Variants in ARID2 observed in about 807,000 individuals in gnomAD.
The protein encoded by ARID2 is AT-rich interaction domain 2.
A neutral mutation model predicts 184.6 loss-of-function variants in ARID2; 32 were observed. The ratio of observed to expected loss-of-function variants is 0.17; its 90% CI spans 0.13 to 0.23. The LOEUF (loss-of-function observed/expected upper bound fraction) is 0.23, where lower values mean the gene tolerates loss of function less well. ARID2 is among the 10% of genes least tolerant of loss of function. The probability of loss-of-function intolerance (pLI) is 1.00; values close to 1 mark genes in which losing one functional copy is unlikely to be tolerated. For missense variants in ARID2, 1,696 were observed against 2,197.6 expected (o/e 0.77, Z 4.56); for synonymous variants, 836 against 772.6 (o/e 1.08, Z -1.36).
intron 3 of ARID2, among the ~76,000 whole-genome samples, chr12:45,744,524 A>G (rs1592049834): frequency 6.6e-6 from 1 of 152,190 alleles, no homozygotes. Context: ...CAAAAATACA[A>G]GTCAGCTACA....
intron 6 of ARID2, among the ~76,000 whole-genome samples, chr12:45,828,683 C>A (rs1177381039): frequency 6.6e-6 from 1 of 151,974 alleles, no homozygotes; most frequent in Non-Finnish European, 1.5e-5. Context: ...GTTACTGTAG[C>A]TTGGTTTTAA....
intron 3 of ARID2, among the ~76,000 whole-genome samples, chr12:45,804,447 T>A (rs1301259942): frequency 6.6e-6 from 1 of 151,908 alleles, no homozygotes; most frequent in Non-Finnish European, 1.5e-5. Flanking sequence ...GGTGGTTGTG[T>A]TTAATGAGTA....
intron 15 of ARID2, among the ~76,000 whole-genome samples, chr12:45,853,979 A>G (rs1312254731): frequency 6.6e-6 from 1 of 152,152 alleles, no homozygotes; most frequent in Non-Finnish European, 1.5e-5. Flanking sequence ...GAGCGAGTGA[A>G]GCTTCATCTG....
chr12:45,738,778 A>ACTTTT (rs1941181289), intron 3 of ARID2, among the ~76,000 whole-genome samples: 1 of 50,194 alleles, frequency 2.0e-5, no homozygotes, highest in South Asian at 8.0e-4. Context: ...CATATGGGCT[A>ACTTTT]CTTTTTTTTT....
chr12:45,839,871 A>T (rs1460558684), intron 11 of ARID2: 2 of 176,580 alleles, frequency 1.1e-5, no homozygotes, highest in Non-Finnish European at 2.4e-5. Flanking sequence ...TTCTCAGGTG[A>T]TCATCAGGAC....
chr12:45,735,874 T>C (rs1163638035), intron 3 of ARID2, among the ~76,000 whole-genome samples: 2 of 152,362 alleles, frequency 1.3e-5, no homozygotes, highest in Non-Finnish European at 2.9e-5. Flanking sequence ...TTCCTGAGGA[T>C]ACAAAATGAG....
chr12:45,869,895 A>G (rs1943894325), intron 16 of ARID2, among the ~76,000 whole-genome samples: 1 of 152,054 alleles, frequency 6.6e-6, no homozygotes, highest in South Asian at 2.1e-4. Flanking sequence ...AAACAAAACA[A>G]AACAAAAACA....
chr12:45,820,789 T>G (rs1942881989), intron 5 of ARID2, among the ~76,000 whole-genome samples: 1 of 152,126 alleles, frequency 6.6e-6, no homozygotes, highest in Non-Finnish European at 1.5e-5. Context: ...CCTTAAGTTT[T>G]TTGGTGGGGA....
At position 45,852,382 on chromosome 12, in the gene ARID2, T is replaced by C. The variant is rs2138178346; in HGVS notation, c.4259T>C (p.Val1420Ala). ...CTAGAAAGAATTTCTAATGGACCTG[T>C]ATTAACTTTGGGTGGTTCATCTGTG... ...DQLERISNGP[V>A]LTLGGSSVSS... is the part of the protein sequence containing the mutation. The change falls in exon 15 of 21, where the codon GTA becomes GCA. Residue 1420 changes from valine to alanine, a missense_variant. Physicochemically the swap from Val to Ala is moderately conservative, Grantham distance 64. Transcript: ENST00000334344. The C allele has an allele frequency of 1.9e-6, 3 of 1,614,178 alleles. No individual in the cohort carries two copies. The highest frequency in any genetic ancestry group is 2.5e-6 in the Non-Finnish European group (3 of 1,180,020).
intron 3 of ARID2, among the ~76,000 whole-genome samples, chr12:45,763,680 A>C (rs1054866697): frequency 6.6e-6 from 1 of 151,970 alleles, no homozygotes; most frequent in Non-Finnish European, 1.5e-5. Flanking sequence ...TTGTAGACAC[A>C]GGGCTTTTCT....
intron 20 of ARID2, among the ~76,000 whole-genome samples, chr12:45,901,335 T>C (rs932160331): frequency 6.6e-6 from 1 of 151,504 alleles, no homozygotes; most frequent in Non-Finnish European, 1.5e-5. Context: ...CATGCCCCGC[T>C]AATATTTTGT....
Position 45,906,583 on chromosome 12 carries a change from AAT to A in ARID2, c.*1509_*1510del, listed in dbSNP as rs1565648035. On this transcript the variant is annotated 3_prime_UTR_variant, in exon 21 of 21. Transcript: ENST00000334344. ...CTGAGTATGCTTAAGACATCTTAAA[AAT>A]ATAGAGAGAATTCTAAATTCAGCTG... 4 of 232,640 alleles carry A rather than the reference AAT, an allele frequency of 1.7e-5. No individual in the cohort carries two copies. Among genetic ancestry groups the A allele is most frequent in the African/African-American group, 4.4e-5 (2 of 45,292 alleles). The allele number at this position is 232,640 out of a possible 1,614,324, so 14.4% of individuals were successfully genotyped here.
Position 45,746,529 on chromosome 12 carries a change from G to T in ARID2, c.284+15215G>T, listed in dbSNP as rs191243654. ...GTATTTTTCTTATGAAACTTTAATA[G>T]TATACTTTTGGTTTATGATACCATG... On this transcript the variant is annotated intron_variant, in intron 3 of 20. Transcript: ENST00000334344. Among the ~76,000 whole-genome samples the T allele has an allele frequency of 3.9e-5, 6 of 152,144 alleles. No homozygotes were observed. In the East Asian group the frequency reaches 1.2e-3, roughly 29 times the overall value.
intron 3 of ARID2, among the ~76,000 whole-genome samples, chr12:45,759,294 A>G (rs1941630615): frequency 6.6e-6 from 1 of 152,208 alleles, no homozygotes; most frequent in Non-Finnish European, 1.5e-5. Context: ...GGTGATATGT[A>G]TATGTGTATA....
At chr12:45,748,630 A>C (rs556534173) in intron 3 of ARID2, among the ~76,000 whole-genome samples, 1 of 152,302 alleles carries the variant, frequency 6.6e-6, no homozygotes, top group South Asian at 2.1e-4. Flanking sequence ...TGTAGCATGT[A>C]ATGCTGTTTG....
intron 4 of ARID2, among the ~76,000 whole-genome samples, chr12:45,815,578 C>A (rs973945768): frequency 6.6e-5 from 10 of 151,750 alleles, no homozygotes; most frequent in Admixed American, 5.9e-4. Flanking sequence ...TAGATTTCTA[C>A]TTGCATCCTA....
intron 3 of ARID2, among the ~76,000 whole-genome samples, chr12:45,750,215 T>C (rs1408385597): frequency 6.6e-6 from 1 of 152,140 alleles, no homozygotes; most frequent in Non-Finnish European, 1.5e-5. Flanking sequence ...TCTCAGGGTA[T>C]AGGGATGCCC....
chr12:45,757,960 A>G (rs532075162), intron 3 of ARID2, among the ~76,000 whole-genome samples: 1 of 152,344 alleles, frequency 6.6e-6, no homozygotes, highest in Non-Finnish European at 1.5e-5. Context: ...AATATTTTCT[A>G]ATAAATTCCT....
At chr12:45,782,084 G>T (rs1942102258) in intron 3 of ARID2, among the ~76,000 whole-genome samples, 1 of 151,970 alleles carries the variant, frequency 6.6e-6, no homozygotes, top group African/African-American at 2.4e-5. Context: ...ACACTAGTAA[G>T]TTTTTTTTAA....
Sources: gnomAD v4.1 joint callset for allele counts (sites outside exome capture counted in the v4.1 genomes callset) on GRCh38, gnomAD v4.1.1 for gene constraint, MANE v1.5 for transcripts, NCBI Gene and HGNC (gene_info 2026-07-23, HGNC 2026-07-21) for gene names.